The following KCND3 variants were observed in gnomAD, a reference collection of about 807,000 sequenced individuals.
The protein encoded by KCND3 is A-type voltage-gated potassium channel KCND3.
In KCND3, 9 loss-of-function variants were observed where a neutral mutation model predicts 51.1. The observed-to-expected ratio is 0.18, with a 90% CI of 0.11 to 0.31. KCND3 has a LOEUF of 0.31. Among genes scored for constraint, KCND3 ranks in the 10% least tolerant of loss-of-function variants. The probability of loss-of-function intolerance (pLI) is 1.00; values close to 1 mark genes in which losing one functional copy is unlikely to be tolerated. For synonymous variants in KCND3, 349 were observed against 368.0 expected (o/e 0.95, Z 0.59); for missense variants, 526 against 903.8 (o/e 0.58, Z 5.36).
chr1:111,890,193 A>G (rs1218609535), intron 2 of KCND3, among the ~76,000 whole-genome samples: 1 of 152,144 alleles, frequency 6.6e-6, no homozygotes, highest in East Asian at 1.9e-4. Flanking sequence ...GGCAGTTGGG[A>G]TGAGTAGATA....
intron 2 of KCND3, among the ~76,000 whole-genome samples, chr1:111,906,002 G>A (rs1670634886): frequency 6.6e-6 from 1 of 152,234 alleles, no homozygotes; most frequent in Non-Finnish European, 1.5e-5. Flanking sequence ...TACCTGGGTG[G>A]AGAACTAGGA....
chr1:111,776,015 C>G lies in KCND3; in HGVS notation c.*62G>C. 1 of 1,573,472 alleles carries G rather than the reference C, an allele frequency of 6.4e-7. No homozygotes were observed. The highest frequency in any genetic ancestry group is 8.7e-7 in the Non-Finnish European group (1 of 1,143,538). On this transcript the variant is annotated 3_prime_UTR_variant, in exon 8 of 8. Coordinates refer to ENST00000302127, the MANE Select transcript of KCND3 (RefSeq NM_001378969.1). Reference sequence around the variant, plus strand: ...GGGGAGGGAGTGGTCTCAGTGACCACCCACCAACATGCCAGTCCCCTTCAT... The same window carrying G: ...GGGGAGGGAGTGGTCTCAGTGACCAGCCACCAACATGCCAGTCCCCTTCAT...
At chr1:111,815,604 T>C (rs6658478) in intron 2 of KCND3, among the ~76,000 whole-genome samples, 2,360 of 151,118 alleles carry the variant, frequency 0.016, 58 homozygotes, top group African/African-American at 0.053. Flanking sequence ...TTACCTGTGA[T>C]GTTTTCTCTT....
Position 111,773,783 on chromosome 1 carries a change from C to T in KCND3, c.*2294G>A, listed in dbSNP as rs1664008094. On this transcript the variant is annotated 3_prime_UTR_variant, in exon 8 of 8. Coordinates refer to ENST00000302127, the MANE Select transcript of KCND3 (RefSeq NM_001378969.1). ...ATGAAGCATAACTAAGATACTTAGA[C>T]ACTCATAATTTTGCTCTAGTACTCA... The T allele has an allele frequency of 2.6e-5, 4 of 152,144 alleles. No individual in the cohort carries two copies. The highest frequency in any genetic ancestry group is 2.6e-4 in the Admixed American group (4 of 15,278). The allele number at this position is 152,144 out of a possible 1,614,324, so 9.4% of individuals were successfully genotyped here. A position where few individuals can be genotyped will look rare whatever the true frequency, so the allele number is the denominator to read the frequency against.
chr1:111,807,661 G>A (rs1305430119), intron 2 of KCND3, among the ~76,000 whole-genome samples: 2 of 152,060 alleles, frequency 1.3e-5, no homozygotes, highest in African/African-American at 2.4e-5. Flanking sequence ...GGGCGACAGA[G>A]CAAGACTCCG....
intron 2 of KCND3, among the ~76,000 whole-genome samples, chr1:111,916,479 A>G (rs1175356076): frequency 6.6e-6 from 1 of 152,218 alleles, no homozygotes; most frequent in Non-Finnish European, 1.5e-5. Flanking sequence ...CAAGTCTCAA[A>G]TCAATGATCT....
chr1:111,892,706 C>T (rs1041918533), intron 2 of KCND3, among the ~76,000 whole-genome samples: 2 of 152,166 alleles, frequency 1.3e-5, no homozygotes, highest in African/African-American at 4.8e-5. Flanking sequence ...GAGTGGGGCT[C>T]CCCTAGACTG....
At chr1:111,876,320 C>G (rs1252111438) in intron 2 of KCND3, among the ~76,000 whole-genome samples, 2 of 152,036 alleles carry the variant, frequency 1.3e-5, no homozygotes, top group Non-Finnish European at 2.9e-5. Context: ...TGATACAAGA[C>G]AAACCCTGTG....
At chr1:111,917,414 T>C (rs1232297699) in intron 2 of KCND3, among the ~76,000 whole-genome samples, 1 of 152,138 alleles carries the variant, frequency 6.6e-6, no homozygotes, top group African/African-American at 2.4e-5. Flanking sequence ...CTTAGAATAG[T>C]CCCTGGAACC....
intron 2 of KCND3, among the ~76,000 whole-genome samples, chr1:111,965,486 A>ACACACACACACACACT: frequency 6.8e-6 from 1 of 147,920 alleles, no homozygotes; most frequent in African/African-American, 2.5e-5. Context: ...ACACACACAC[A>ACACACACACACACACT]CACGCCAGGA....
intron 2 of KCND3, among the ~76,000 whole-genome samples, chr1:111,952,759 T>G (rs1673123834): frequency 6.6e-6 from 1 of 152,148 alleles, no homozygotes; most frequent in Non-Finnish European, 1.5e-5. Context: ...TGCCTCCTTC[T>G]TGACATACAC....
intron 2 of KCND3, among the ~76,000 whole-genome samples, chr1:111,963,779 T>C (rs1280048938): frequency 6.6e-6 from 1 of 152,176 alleles, no homozygotes; most frequent in Non-Finnish European, 1.5e-5. Flanking sequence ...AAGAAGGTAA[T>C]AGTGGACCTT....
chr1:111,818,657 C>T (rs1443163897), intron 2 of KCND3, among the ~76,000 whole-genome samples: 1 of 152,310 alleles, frequency 6.6e-6, no homozygotes, highest in East Asian at 1.9e-4. Flanking sequence ...GGGTGACACC[C>T]GTCTATTGTC....
chr1:111,891,566 G>A (rs1236107594), intron 2 of KCND3, among the ~76,000 whole-genome samples: 5 of 152,064 alleles, frequency 3.3e-5, no homozygotes, highest in African/African-American at 4.8e-5. Context: ...CAGGGAGACC[G>A]GCACTTATTA....
intron 2 of KCND3, among the ~76,000 whole-genome samples, chr1:111,810,137 G>A (rs1665784558): frequency 6.6e-6 from 1 of 152,244 alleles, no homozygotes; most frequent in African/African-American, 2.4e-5. Context: ...GGGTCAGTGT[G>A]TGAGGGGCCT....
chr1:111,976,439 G>A (rs903616045), intron 2 of KCND3, among the ~76,000 whole-genome samples: 16 of 152,170 alleles, frequency 1.1e-4, no homozygotes, highest in African/African-American at 3.4e-4. Flanking sequence ...CACATTCATC[G>A]GTTCTCATAT....
At chr1:111,930,664 G>GA (rs34294424) in intron 2 of KCND3, among the ~76,000 whole-genome samples, 17,701 of 146,816 alleles carry the variant, frequency 0.12, 1,587 homozygotes, top group East Asian at 0.46. Context: ...CCCAAGTGTA[G>GA]AAAAAAAAAA....
intron 1 of KCND3, among the ~76,000 whole-genome samples, chr1:111,984,375 C>T (rs541028236): frequency 2.6e-5 from 4 of 152,284 alleles, no homozygotes; most frequent in East Asian, 1.9e-4. Context: ...AGCTGCTGTT[C>T]GCCTTTTCTT....
At chr1:111,856,501 A>G (rs1203891887) in intron 2 of KCND3, among the ~76,000 whole-genome samples, 1 of 151,986 alleles carries the variant, frequency 6.6e-6, no homozygotes, top group Non-Finnish European at 1.5e-5. Context: ...GTCGCCTGGT[A>G]GCCTCGGCCT....
Sources: allele counts gnomAD v4.1 joint callset (sites outside exome capture counted in the v4.1 genomes callset), GRCh38; gene constraint gnomAD v4.1.1; transcripts MANE v1.5; gene names NCBI Gene and HGNC (gene_info 2026-07-23, HGNC 2026-07-21).